Variants in MICAL3 observed in about 807,000 individuals in gnomAD.
The protein encoded by MICAL3 is microtubule associated monooxygenase, calponin and LIM domain containing 3.
MICAL3 carries 62 observed loss-of-function variants against 207.4 expected under a neutral mutation model. The observed-to-expected ratio is 0.30, with a 90% CI of 0.24 to 0.37. The LOEUF (loss-of-function observed/expected upper bound fraction) is 0.37. Ranked by LOEUF, MICAL3 falls within the 10% of genes least tolerant of loss-of-function variation. MICAL3 has a pLI of 1.00. For missense variants in MICAL3, 2,368 were observed against 2,635.6 expected, an observed-to-expected ratio of 0.90 and a Z score of 2.22; for synonymous variants, 1,077 against 1,069.3, an observed-to-expected ratio of 1.01 and a Z score of -0.14.
intron 1 of MICAL3, among the ~76,000 whole-genome samples, chr22:17,974,071 G>A (rs562031864): frequency 3.0e-4 from 45 of 152,298 alleles, no homozygotes; most frequent in Admixed American, 2.5e-3. Flanking sequence ...TGGTTTATGT[G>A]AGCTGCCAAA....
At chr22:17,843,339 C>T (rs140510805) in intron 19 of MICAL3, among the ~76,000 whole-genome samples, 20 of 152,258 alleles carry the variant, frequency 1.3e-4, no homozygotes, top group South Asian at 1.0e-3. Context: ...CGTCCCTTGT[C>T]CTCCTGATCC....
intron 1 of MICAL3, among the ~76,000 whole-genome samples, chr22:18,014,854 G>A (rs369383119): frequency 2.6e-5 from 4 of 152,030 alleles, no homozygotes; most frequent in Admixed American, 6.6e-5. Context: ...TTAGCCAGGC[G>A]TGGTGGCGGG....
In MICAL3 at chr22:17,810,779, T is replaced by G; in HGVS notation, c.5480A>C (p.Lys1827Thr). 6.8e-6 allele frequency: 11 copies of G among 1,614,012 alleles called. No homozygotes were observed. The highest frequency in any genetic ancestry group is 9.3e-6 in the Non-Finnish European group (11 of 1,179,878). The change falls in exon 28 of 32, where the codon AAG becomes ACG. Residue 1827 changes from lysine to threonine, a missense_variant. This residue lies in a region of MICAL3 where 1,770 missense variants were observed against 1,863.2 expected (regional missense o/e 0.95). Transcript: ENST00000441493. ...RTYTEEELNA[K>T]LTRRVQKAAR... ...TGCCTTTTGCACACGCCGGGTCAGC[T>G]TGGCATTCAGTTCCTCCTCCGTGTA... is the stretch of plus-strand genomic sequence containing the variant.
chr22:17,969,803 G>C (rs1569151645), intron 1 of MICAL3, among the ~76,000 whole-genome samples: 1 of 152,180 alleles, frequency 6.6e-6, no homozygotes, highest in Admixed American at 6.5e-5. Flanking sequence ...CGACACCCTG[G>C]GATGGGTGCA....
intron 1 of MICAL3, among the ~76,000 whole-genome samples, chr22:18,016,957 T>G (rs75682928): frequency 0.05 from 7,658 of 151,992 alleles, 560 homozygotes; most frequent in African/African-American, 0.15. Context: ...AAAAAAAGTT[T>G]CTTTTCTTTC....
intron 1 of MICAL3, among the ~76,000 whole-genome samples, chr22:17,981,158 T>C: frequency 6.6e-6 from 1 of 152,198 alleles, no homozygotes. Context: ...ACATATACAA[T>C]ACAGTAATAA....
intron 29 of MICAL3, among the ~76,000 whole-genome samples, chr22:17,797,316 T>C (rs2145958071): frequency 6.6e-6 from 1 of 152,090 alleles, no homozygotes; most frequent in South Asian, 2.1e-4. Flanking sequence ...GCCTGGGCAA[T>C]GCAGTGAGAC....
rs372111658 is a variant in MICAL3, at chr22:17,845,941, G to A, written c.2606-3924C>T. On this transcript the variant is annotated intron_variant, in intron 19 of 31. Coordinates refer to ENST00000441493, the MANE Select transcript of MICAL3 (RefSeq NM_015241.3). ...TTGCCCTGGAGATTCTGCAAATCCC[G>A]CAGACTAATGGGTTGTCAGGCAACA... is the stretch of plus-strand genomic sequence containing the variant. Among the ~76,000 whole-genome samples the A allele has an allele frequency of 3.9e-5, 6 of 152,342 alleles. No individual in the cohort carries two copies. The East Asian group carries it at 1.2e-3, about 29-fold the overall frequency.
chr22:17,863,636 G>A (rs1926756370), intron 19 of MICAL3: 1 of 985,492 alleles, frequency 1.0e-6, no homozygotes, highest in Non-Finnish European at 1.2e-6. Context: ...GGCACGTGCA[G>A]TAGCAGAAGC....
intron 17 of MICAL3, among the ~76,000 whole-genome samples, chr22:17,867,432 G>A (rs988161344): frequency 6.6e-6 from 1 of 152,204 alleles, no homozygotes; most frequent in African/African-American, 2.4e-5. Context: ...TGTAAATGTT[G>A]GCCACCAATA....
chr22:18,022,541 G>T (rs1363265691), intron 1 of MICAL3, among the ~76,000 whole-genome samples: 1 of 151,806 alleles, frequency 6.6e-6, no homozygotes, highest in Admixed American at 6.6e-5. Flanking sequence ...CTATTCTCAT[G>T]CCTCAGCCTC....
At chr22:17,871,739 T>C (rs1927746896) in intron 17 of MICAL3, 98 bp downstream of exon 17, 4 of 1,096,000 alleles carry the variant, frequency 3.6e-6, no homozygotes, top group Non-Finnish European at 2.6e-6. Context: ...AAGACGCACA[T>C]GGAATAAGGC....
chr22:17,835,468 C>A (rs551666308), intron 20 of MICAL3, among the ~76,000 whole-genome samples: 1 of 152,350 alleles, frequency 6.6e-6, no homozygotes, highest in African/African-American at 2.4e-5. Flanking sequence ...TGGCCCAGGT[C>A]CTGTGCGTCA....
intron 27 of MICAL3, 141 bp from the exon 28 acceptor site, chr22:17,810,954 G>C (rs1276093632): frequency 1.6e-6 from 1 of 642,476 alleles, no homozygotes; most frequent in Middle Eastern, 3.9e-4. Flanking sequence ...GCTGTCCTCT[G>C]TAGAGTAGAG....
intron 27 of MICAL3, chr22:17,815,239 C>T (rs894278387): frequency 2.0e-5 from 3 of 152,372 alleles, no homozygotes; most frequent in African/African-American, 7.2e-5. Context: ...CTGCTGGGCC[C>T]TGGGGAGGCT....
intron 3 of MICAL3, among the ~76,000 whole-genome samples, chr22:17,903,552 C>T (rs1931490678): frequency 6.6e-6 from 1 of 152,186 alleles, no homozygotes; most frequent in Admixed American, 6.5e-5. Context: ...GACTAATGTG[C>T]CAGGAGCAAT....
In MICAL3 at chr22:17,896,457, G is replaced by A. The variant is rs563191671; in HGVS notation, c.1207-96C>T. On this transcript the variant is annotated intron_variant, in intron 8 of 31. Transcript: ENST00000441493. ...AACAAAGAGTTTGCTGTCGACAGTA[G>A]TGTTTGGCAACTGTTTCAATAACAA... 36 of 836,974 alleles carry A rather than the reference G, an allele frequency of 4.3e-5. No homozygotes were observed. The African/African-American group carries it at 6.0e-4, about 14-fold the overall frequency. The allele number at this position is 836,974 out of a possible 1,614,324, so 51.8% of individuals were successfully genotyped here. A position where few individuals can be genotyped will look rare whatever the true frequency, so the allele number is the denominator to read the frequency against.
intron 19 of MICAL3, chr22:17,863,310 G>A: frequency 1.0e-6 from 1 of 985,368 alleles, no homozygotes; most frequent in Middle Eastern, 5.2e-4. Flanking sequence ...GAGTAGTCAG[G>A]TTCCTCAGAA....
intron 19 of MICAL3, among the ~76,000 whole-genome samples, chr22:17,853,771 G>A (rs1925587183): frequency 6.6e-6 from 1 of 152,234 alleles, no homozygotes; most frequent in Non-Finnish European, 1.5e-5. Flanking sequence ...TCCACTCTCT[G>A]AGGCTGGGGC....
Sources: allele counts gnomAD v4.1 joint callset (sites outside exome capture counted in the v4.1 genomes callset), GRCh38; gene constraint gnomAD v4.1.1; regional missense constraint gnomAD v4.1.1; transcripts MANE v1.5; gene names NCBI Gene and HGNC (gene_info 2026-07-23, HGNC 2026-07-21).